The following ARHGAP40 variants were observed in gnomAD, a reference collection of about 807,000 sequenced individuals.
ARHGAP40 encodes rho GTPase-activating protein 40.
ARHGAP40 carries 43 observed loss-of-function variants against 73.5 expected under a neutral mutation model. That is an observed-to-expected ratio of 0.58 (90% CI 0.46 to 0.75). The LOEUF (loss-of-function observed/expected upper bound fraction) is 0.75. Among genes scored for constraint, ARHGAP40 ranks in the 30% least tolerant of loss-of-function variants. The pLI is 0.00. For missense variants in ARHGAP40, 734 were observed against 861.8 expected (o/e 0.85, Z 1.86); for synonymous variants, 300 against 352.8 (o/e 0.85, Z 1.68).
chr20:38,630,863 T>G (rs2088933987), intron 5 of ARHGAP40, among the ~76,000 whole-genome samples: 1 of 152,132 alleles, frequency 6.6e-6, no homozygotes, highest in African/African-American at 2.4e-5. Context: ...TCTTTCACAG[T>G]CCCTCTATTA....
intron 8 of ARHGAP40, 50 bp downstream of exon 8, chr20:38,638,888 C>T (rs1287372468): frequency 7.8e-7 from 1 of 1,281,672 alleles, no homozygotes; most frequent in Non-Finnish European, 1.0e-6. Flanking sequence ...CCCCCATGCT[C>T]ACATGTGTGT....
At chr20:38,618,849 C>T (rs2088858166) in intron 1 of ARHGAP40, among the ~76,000 whole-genome samples, 1 of 152,168 alleles carries the variant, frequency 6.6e-6, no homozygotes, top group African/African-American at 2.4e-5. Flanking sequence ...CTGCTGTGTC[C>T]TCTTAGCTGA....
chr20:38,632,702 A>G (rs996709354), intron 5 of ARHGAP40, among the ~76,000 whole-genome samples: 1 of 152,124 alleles, frequency 6.6e-6, no homozygotes, highest in African/African-American at 2.4e-5. Flanking sequence ...AGGGCCAGGC[A>G]TGGTGGCGCA....
At chr20:38,633,730 A>G (rs917743870) in intron 5 of ARHGAP40, among the ~76,000 whole-genome samples, 6 of 152,236 alleles carry the variant, frequency 3.9e-5, no homozygotes, top group African/African-American at 1.4e-4. Flanking sequence ...GTGCTGAGCA[A>G]GCCTGGCCCT....
At chr20:38,625,401 T>TTTC (rs1555791785) in intron 2 of ARHGAP40, among the ~76,000 whole-genome samples, 1 of 151,726 alleles carries the variant, frequency 6.6e-6, no homozygotes, top group African/African-American at 2.4e-5. Flanking sequence ...TTTTTTTTTT[T>TTTC]CCTTTCTTTT....
At chr20:38,625,796 A>G (rs2088895689) in intron 2 of ARHGAP40, among the ~76,000 whole-genome samples, 1 of 152,216 alleles carries the variant, frequency 6.6e-6, no homozygotes, top group South Asian at 2.1e-4. Flanking sequence ...ATGTCTACTC[A>G]TGGCAGGTGA....
intron 1 of ARHGAP40, among the ~76,000 whole-genome samples, chr20:38,621,863 G>A (rs1279126909): frequency 1.3e-5 from 2 of 152,104 alleles, no homozygotes; most frequent in Non-Finnish European, 2.9e-5. Context: ...AGAACAGCCT[G>A]GGTAACATGG....
intron 11 of ARHGAP40, 42 bp downstream of exon 11, chr20:38,643,952 G>A: frequency 8.0e-7 from 1 of 1,250,896 alleles, no homozygotes. Flanking sequence ...GGGTGCAGCT[G>A]CCGTGCCGCC....
Position 38,646,313 on chromosome 20 carries a change from C to G in ARHGAP40, c.1710+126C>G, listed in dbSNP as rs2089052990. ...GCCAGCAACGGCCCAGTGAGGCCAC[C>G]AGGGGGCGTTGCGGCGCCGTCACGG... is the stretch of plus-strand genomic sequence containing the variant. On this transcript the variant is annotated intron_variant, in intron 12 of 14. Transcript: ENST00000373345. This position sits in a 1 kb window ranked among gnomAD's most constrained non-coding sequence, Gnocchi z 4.5. The G allele has an allele frequency of 9.3e-7, 1 of 1,080,152 alleles. No individual in the cohort carries two copies. Among genetic ancestry groups the G allele is most frequent in the Non-Finnish European group, 1.2e-6 (1 of 858,036 alleles). 66.9% of individuals were successfully genotyped at this position (1,080,152 alleles called of 1,614,324 possible). A position where few individuals can be genotyped will look rare whatever the true frequency, so the allele number is the denominator to read the frequency against.
At chr20:38,634,917 C>G (rs2088964584) in intron 6 of ARHGAP40, 132 bp downstream of exon 6, 6 of 997,508 alleles carry the variant, frequency 6.0e-6, no homozygotes, top group South Asian at 1.7e-5. Context: ...GAGTCTCGCT[C>G]TGTCACCAGG....
intron 4 of ARHGAP40, 71 bp from the exon 5 acceptor site, chr20:38,629,431 G>C (rs1350363606): frequency 1.5e-6 from 2 of 1,290,556 alleles, no homozygotes; most frequent in Non-Finnish European, 2.0e-6. Flanking sequence ...CCTAAGTCCC[G>C]AACCCAAGCA....
intron 10 of ARHGAP40, among the ~76,000 whole-genome samples, chr20:38,642,911 C>A (rs6100524): frequency 6.6e-6 from 1 of 152,100 alleles, no homozygotes; most frequent in East Asian, 1.9e-4. Flanking sequence ...GAGGCCAAGA[C>A]GGGAGGATCA....
At chr20:38,650,560 A>G in exon 15 of ARHGAP40, 7 of 466,338 alleles carry the variant, frequency 1.5e-5, no homozygotes, top group South Asian at 1.1e-4. Context: ...CTCATGCTTT[A>G]CATGTTGATT....
At chr20:38,606,289 T>C (rs2088770395) in intron 1 of ARHGAP40, among the ~76,000 whole-genome samples, 1 of 152,260 alleles carries the variant, frequency 6.6e-6, no homozygotes, top group African/African-American at 2.4e-5. Context: ...TTATAAACTA[T>C]ACTGCAATGT....
chr20:38,623,372 T>C (rs551140541), exon 2 of ARHGAP40: 175 of 1,289,966 alleles, frequency 1.4e-4, no homozygotes, highest in Non-Finnish European at 1.7e-4. Flanking sequence ...TGGCCCCTCC[T>C]CAGGCCGAAT....
At chr20:38,614,145 A>G (rs1057491552) in intron 1 of ARHGAP40, among the ~76,000 whole-genome samples, 1 of 152,136 alleles carries the variant, frequency 6.6e-6, no homozygotes, top group African/African-American at 2.4e-5. Flanking sequence ...TCAGAGGGGC[A>G]CCATTTACGT....
chr20:38,605,428 C>T (rs1002303439), intron 1 of ARHGAP40, among the ~76,000 whole-genome samples: 3 of 152,140 alleles, frequency 2.0e-5, no homozygotes, highest in African/African-American at 7.2e-5. Context: ...TGTCATCAAA[C>T]AGAACATCCC....
rs962650159 is a variant in ARHGAP40 at position 38,614,538 on chromosome 20, A to T, written c.138-8821A>T. ...AGGGGGAAAAAAAACCATTGGCCAC[A>T]TGGCCACTCCTGCTATATCTACACC... On this transcript the variant is annotated intron_variant, in intron 1 of 14. Coordinates refer to ENST00000373345, the Ensembl canonical transcript of ARHGAP40. Among the ~76,000 whole-genome samples the T allele has an allele frequency of 6.6e-5, 10 of 152,188 alleles. No homozygotes were observed. The East Asian group carries it at 1.7e-3, about 27-fold the overall frequency.
chr20:38,629,137 G>T, intron 4 of ARHGAP40, 135 bp downstream of exon 4: 1 of 781,040 alleles, frequency 1.3e-6, no homozygotes, highest in South Asian at 1.8e-5. Context: ...CTGCTCAAGG[G>T]CAGTAGGGAG....
Sources: gnomAD v4.1 joint callset for allele counts (sites outside exome capture counted in the v4.1 genomes callset) on GRCh38, gnomAD v4.1.1 for gene constraint, Gnocchi (gnomAD v3.1) non-coding constraint, MANE v1.5 for transcripts, NCBI Gene and HGNC (gene_info 2026-07-23, HGNC 2026-07-21) for gene names.